The following TMEM245 variants were observed in gnomAD, a reference collection of about 807,000 sequenced individuals.
TMEM245 encodes transmembrane protein 245.
Under a neutral mutation model 101.2 loss-of-function variants are expected in TMEM245, and 69 were observed. That is an observed-to-expected ratio of 0.68 (90% CI 0.56 to 0.83). The LOEUF (loss-of-function observed/expected upper bound fraction) is 0.83, where lower values mean the gene tolerates loss of function less well. Among genes scored for constraint, TMEM245 ranks in the 40% least tolerant of loss-of-function variants. The pLI is 0.00. For missense variants in TMEM245, 1,075 were observed against 1,092.8 expected (o/e 0.98, Z 0.23); for synonymous variants, 537 against 449.8 (o/e 1.19, Z -2.45).
intron 1 of TMEM245, among the ~76,000 whole-genome samples, chr9:109,118,737 C>T (rs1413156174): frequency 6.6e-6 from 1 of 152,234 alleles, no homozygotes; most frequent in Admixed American, 6.5e-5. Context: ...GGCAGCTCAG[C>T]ACCCAGTGCC....
At position 109,108,443 on chromosome 9, in the gene TMEM245, A is replaced by AAAT; in HGVS notation, c.697+9_697+10insATT. On this transcript the variant is annotated intron_variant, in intron 2 of 17. Transcript: ENST00000374586. ...CTTAAAAAAAAAAAAAAAAAAAAGA[A>AAAT]GGAACCCACCTAAATGAAAAAGCAA... 7 of 1,443,828 alleles carry AAAT rather than the reference A, an allele frequency of 4.8e-6. No individual in the cohort carries two copies. Among genetic ancestry groups the AAAT allele is most frequent in the Non-Finnish European group, 6.5e-6 (7 of 1,069,382 alleles). The allele number at this position is 1,443,828 out of a possible 1,614,324, so 89.4% of individuals were successfully genotyped here. A position where few individuals can be genotyped will look rare whatever the true frequency, so the allele number is the denominator to read the frequency against.
At chr9:109,089,425 A>G (rs193256674) in intron 5 of TMEM245, among the ~76,000 whole-genome samples, 60 of 152,344 alleles carry the variant, frequency 3.9e-4, no homozygotes, top group African/African-American at 1.4e-3. Flanking sequence ...AAATGGGCTA[A>G]TAAGTTTAGA....
intron 1 of TMEM245, among the ~76,000 whole-genome samples, chr9:109,118,881 G>A (rs757987622): frequency 2.6e-5 from 4 of 152,224 alleles, no homozygotes; most frequent in Non-Finnish European, 5.9e-5. Context: ...AGCCTGGTAA[G>A]AGGTCACCTT....
intron 13 of TMEM245, 35 bp from the exon 14 acceptor site, chr9:109,050,463 C>T (rs1388688065): frequency 7.4e-6 from 12 of 1,612,214 alleles, no homozygotes; most frequent in African/African-American, 2.7e-5. Flanking sequence ...CTAAAAAAAT[C>T]GTATTTGGAA....
At chr9:109,033,881 T>C (rs1828041507) in intron 16 of TMEM245, among the ~76,000 whole-genome samples, 1 of 152,236 alleles carries the variant, frequency 6.6e-6, no homozygotes, top group South Asian at 2.1e-4. Flanking sequence ...GTGAGCACAA[T>C]TTAGCATGTA....
chr9:109,060,065 C>T (rs1270205570), intron 11 of TMEM245, among the ~76,000 whole-genome samples: 2 of 152,018 alleles, frequency 1.3e-5, no homozygotes, highest in African/African-American at 4.8e-5. Context: ...TTAACATTAC[C>T]TTATGTGGCT....
chr9:109,033,177 C>G, intron 17 of TMEM245, 130 bp downstream of exon 17: 1 of 1,051,378 alleles, frequency 9.5e-7, no homozygotes, highest in Non-Finnish European at 1.3e-6. Context: ...GTGTCTTCTG[C>G]AACCTTTATC....
intron 8 of TMEM245, among the ~76,000 whole-genome samples, chr9:109,075,025 TCTTA>T (rs1489108334): frequency 6.6e-5 from 10 of 152,188 alleles, no homozygotes; most frequent in African/African-American, 9.7e-5. Context: ...AGGGACATAA[TCTTA>T]CTTAGATGTT....
chr9:109,072,811 G>A (rs1290727008), intron 9 of TMEM245, among the ~76,000 whole-genome samples: 1 of 152,166 alleles, frequency 6.6e-6, no homozygotes, highest in Non-Finnish European at 1.5e-5. Context: ...TTCAAGATCA[G>A]CCTGGACAAC....
intron 4 of TMEM245, among the ~76,000 whole-genome samples, chr9:109,091,767 C>T (rs187301691): frequency 2.3e-4 from 35 of 152,254 alleles, no homozygotes; most frequent in African/African-American, 7.7e-4. Flanking sequence ...AACAATGCAA[C>T]CACCATGTTA....
rs67093439 is a variant in TMEM245, at chr9:109,051,295, AACACACACACAC to A, written c.1855-615_1855-604del. Among the ~76,000 whole-genome samples the A allele has an allele frequency of 2.3e-3, 305 of 135,234 alleles. 3 individuals carry two copies. Among genetic ancestry groups the A allele is most frequent in the African/African-American group, 7.4e-3 (256 of 34,826 alleles). 88.7% of individuals were successfully genotyped at this position (135,234 alleles called of 152,430 possible). A position where few individuals can be genotyped will look rare whatever the true frequency, so the allele number is the denominator to read the frequency against. On this transcript the variant is annotated intron_variant, in intron 12 of 17. Transcript: ENST00000374586. ...CAGCAAGAGCAAAACTCTGTCTCAA[AACACACACACAC>A]ACACACACACACACACACACACACA...
chr9:109,060,948 C>A (rs1828993273), intron 10 of TMEM245, among the ~76,000 whole-genome samples: 1 of 152,192 alleles, frequency 6.6e-6, no homozygotes, highest in South Asian at 2.1e-4. Flanking sequence ...CAGACTGGCC[C>A]CGGGTTTGTG....
chr9:109,048,646 T>TGTTAATGAGGAATGATGA (rs1376338651), intron 14 of TMEM245, among the ~76,000 whole-genome samples: 1 of 152,134 alleles, frequency 6.6e-6, no homozygotes, highest in East Asian at 1.9e-4. Flanking sequence ...AGTTGAGTCT[T>TGTTAATGAGGAATGATGA]GTTAATGAGG....
chr9:109,078,369 A>C (rs1829576689), intron 8 of TMEM245, among the ~76,000 whole-genome samples: 1 of 152,210 alleles, frequency 6.6e-6, no homozygotes. Flanking sequence ...CTTTGGATCC[A>C]GATTATTTCT....
intron 12 of TMEM245, among the ~76,000 whole-genome samples, chr9:109,052,352 G>C (rs1284335230): frequency 6.6e-6 from 1 of 152,224 alleles, no homozygotes; most frequent in East Asian, 1.9e-4. Context: ...CTTGCCCAAA[G>C]GCACAAAGCT....
intron 14 of TMEM245, among the ~76,000 whole-genome samples, chr9:109,043,525 T>A (rs1828381218): frequency 6.6e-6 from 1 of 152,220 alleles, no homozygotes; most frequent in Admixed American, 6.5e-5. Flanking sequence ...GGGACCTTTT[T>A]CTTCAGTGAT....
intron 11 of TMEM245, among the ~76,000 whole-genome samples, chr9:109,058,146 G>T (rs908502206): frequency 6.6e-6 from 1 of 150,776 alleles, no homozygotes; most frequent in Non-Finnish European, 1.5e-5. Flanking sequence ...GACTACGGGC[G>T]CCTGCCACAA....
At chr9:109,069,883 G>A (rs1007240327) in intron 9 of TMEM245, among the ~76,000 whole-genome samples, 1 of 152,118 alleles carries the variant, frequency 6.6e-6, no homozygotes, top group Non-Finnish European at 1.5e-5. Context: ...GCAATCTAAT[G>A]GGCTTCTGCT....
chr9:109,119,279 AC>A (rs1830823326), intron 1 of TMEM245, 55 bp downstream of exon 1: 1 of 1,475,640 alleles, frequency 6.8e-7, no homozygotes, highest in East Asian at 2.7e-5. Context: ...GCAGGATTGC[AC>A]CCCAGAGCGC....
Sources: allele counts gnomAD v4.1 joint callset (sites outside exome capture counted in the v4.1 genomes callset), GRCh38; gene constraint gnomAD v4.1.1; transcripts MANE v1.5; gene names NCBI Gene and HGNC (gene_info 2026-07-23, HGNC 2026-07-21).